Variants in TIAM2 observed in about 807,000 individuals in gnomAD.
TIAM2 encodes TIAM Rac1 associated GEF 2.
TIAM2 carries 80 observed loss-of-function variants against 152.9 expected under a neutral mutation model. That is an observed-to-expected ratio of 0.52 (90% CI 0.44 to 0.63). The LOEUF (loss-of-function observed/expected upper bound fraction) is 0.63. Ranked by LOEUF, TIAM2 falls within the 30% of genes least tolerant of loss-of-function variation. TIAM2 has a pLI of 0.00. For synonymous variants in TIAM2, 804 were observed against 838.0 expected (o/e 0.96, Z 0.70); for missense variants, 1,965 against 2,120.1 (o/e 0.93, Z 1.44).
chr6:155,129,524 A>C lies in TIAM2; in HGVS notation c.301A>C (p.Lys101Gln). 1 of 1,614,120 alleles carries C rather than the reference A, an allele frequency of 6.2e-7. No individual in the cohort carries two copies. The highest frequency in any genetic ancestry group is 2.2e-5 in the East Asian group (1 of 44,866). Reference protein sequence around the residue: ...YSTHRTNAPGKDFQGISAAFS... With the variant: ...YSTHRTNAPGQDFQGISAAFS... ...CACGCACAGGACAAATGCCCCAGGGAAGGATTTCCAGGGCATCAGTGCTGC... is the reference window on the plus strand; with the variant it reads ...CACGCACAGGACAAATGCCCCAGGGCAGGATTTCCAGGGCATCAGTGCTGC... The change falls in exon 4 of 27, where the codon AAG (lysine) becomes CAG (glutamine). Residue 101 changes from lysine (K) to glutamine (Q), a missense_variant. Physicochemically the swap from Lys to Gln is moderately conservative, Grantham distance 53. Transcript: ENST00000682666. This position sits in a 1 kb window ranked among gnomAD's most constrained non-coding sequence, Gnocchi z 4.8.
rs1012460904 is a variant in TIAM2 at position 155,164,005 on chromosome 6, G to C, written c.2029-410G>C. On this transcript the variant is annotated intron_variant, in intron 7 of 26. Coordinates refer to ENST00000682666, the MANE Select transcript of TIAM2 (RefSeq NM_012454.4). ...GACGGAGTCTTGCTTGGTTGCCCAG[G>C]CTGGAGTGCAGTGGCATGATCTTGG... Among the ~76,000 whole-genome samples the C allele has an allele frequency of 1.1e-4, 17 of 150,644 alleles. 1 individual carries two copies. The highest frequency in any genetic ancestry group is 4.1e-4 in the African/African-American group (17 of 41,032).
At chr6:155,126,247 T>C (rs886809765) in intron 2 of TIAM2, among the ~76,000 whole-genome samples, 2 of 152,218 alleles carry the variant, frequency 1.3e-5, no homozygotes, top group Non-Finnish European at 2.9e-5. Context: ...CTTTCACTTA[T>C]ATGCGGTATC....
intron 2 of TIAM2, among the ~76,000 whole-genome samples, chr6:155,108,989 T>C (rs1778764546): frequency 1.3e-5 from 2 of 152,114 alleles, no homozygotes; most frequent in Non-Finnish European, 2.9e-5. Context: ...TTTTCTTTTT[T>C]GTTTTTTGTT....
At chr6:155,194,980 G>A (rs980119313) in intron 14 of TIAM2, among the ~76,000 whole-genome samples, 2 of 152,186 alleles carry the variant, frequency 1.3e-5, no homozygotes, top group East Asian at 1.9e-4. Context: ...AGAAAGACAT[G>A]TTTGCGTCCC....
chr6:155,177,023 A>T, intron 10 of TIAM2, 46 bp downstream of exon 10: 1 of 1,569,602 alleles, frequency 6.4e-7, no homozygotes, highest in Non-Finnish European at 8.6e-7. Context: ...AGAAATAATC[A>T]TTAATGTTGC....
At chr6:155,084,413 A>C (rs182969006) in intron 1 of TIAM2, among the ~76,000 whole-genome samples, 1 of 152,376 alleles carries the variant, frequency 6.6e-6, no homozygotes, top group East Asian at 1.9e-4. Context: ...ATTAACTAAA[A>C]AATAGTGCTA....
intron 1 of TIAM2, among the ~76,000 whole-genome samples, chr6:155,000,321 T>TC (rs1274923050): frequency 6.6e-6 from 1 of 151,732 alleles, no homozygotes; most frequent in Non-Finnish European, 1.5e-5. Context: ...TCACCTGAGG[T>TC]CGGGAGTTCA....
chr6:155,170,046 T>G (rs544940997), intron 9 of TIAM2, among the ~76,000 whole-genome samples: 17 of 152,244 alleles, frequency 1.1e-4, no homozygotes, highest in African/African-American at 3.6e-4. Context: ...CTTGAACTCC[T>G]GACGTCGCGA....
In TIAM2 at chr6:155,257,190, CAAAAAAAA is replaced by C. The variant is rs11455127; in HGVS notation, c.*83_*90del. 2.4e-5 allele frequency: 13 copies of C among 543,890 alleles called. No individual in the cohort carries two copies. The highest frequency in any genetic ancestry group is 4.5e-5 in the South Asian group (2 of 44,058). The allele number at this position is 543,890 out of a possible 1,614,324, so 33.7% of individuals were successfully genotyped here. On this transcript the variant is annotated 3_prime_UTR_variant, in exon 27 of 27. Coordinates refer to ENST00000682666, the MANE Select transcript of TIAM2 (RefSeq NM_012454.4). ...TAAACTGGTGGTAAAGTGGAAATTG[CAAAAAAAA>C]AAAAAAAAAAAAACTGTTCATTCCT...
At chr6:155,137,710 A>C in intron 5 of TIAM2, 98 bp downstream of exon 5, 27 of 1,345,326 alleles carry the variant, frequency 2.0e-5, no homozygotes, top group Non-Finnish European at 2.3e-5. Flanking sequence ...ATTTGAGTTC[A>C]CATGAGGGGT....
intron 14 of TIAM2, among the ~76,000 whole-genome samples, chr6:155,206,029 T>C (rs1029083961): frequency 6.6e-6 from 1 of 152,132 alleles, no homozygotes; most frequent in East Asian, 1.9e-4. Context: ...GCCCTTTCGT[T>C]GTAAAGGATC....
At chr6:155,206,312 A>ATC (rs1781593442) in intron 14 of TIAM2, among the ~76,000 whole-genome samples, 1 of 152,038 alleles carries the variant, frequency 6.6e-6, no homozygotes. Flanking sequence ...CAGTGGTGTG[A>ATC]TCTCAGCTCA....
rs767618872 is a variant in TIAM2, at chr6:155,252,977, T to C, written c.4149T>C (p.Ser1383=). The C allele has an allele frequency of 2.5e-6, 4 of 1,614,030 alleles. No homozygotes were observed. In the African/African-American group the frequency reaches 4.0e-5, roughly 16 times the overall value. ...LPSNSRPAHN[S]TDLDPFKFRW... ...CGAATTCCCGGCCTGCACACAACTCTACTGACTTGGACCCATTTAAATTCC... is the reference window on the plus strand; with the variant it reads ...CGAATTCCCGGCCTGCACACAACTCCACTGACTTGGACCCATTTAAATTCC... Residue 1383 remains serine (S), a synonymous_variant, in exon 24 of 27, where the codon TCT becomes TCC. Coordinates refer to ENST00000682666, the MANE Select transcript of TIAM2 (RefSeq NM_012454.4).
intron 1 of TIAM2, among the ~76,000 whole-genome samples, chr6:155,086,477 CG>C (rs1562311310): frequency 6.6e-6 from 1 of 152,144 alleles, no homozygotes; most frequent in African/African-American, 2.4e-5. Flanking sequence ...AAGGCTGAGG[CG>C]GGTGGATCAC....
chr6:155,011,887 C>T (rs144079727), intron 1 of TIAM2, among the ~76,000 whole-genome samples: 47 of 152,196 alleles, frequency 3.1e-4, no homozygotes, highest in South Asian at 8.3e-4. Flanking sequence ...TTGGTGGGTG[C>T]CAGATGGTGC....
At chr6:154,999,073 G>A (rs971671163) in intron 1 of TIAM2, among the ~76,000 whole-genome samples, 28 of 152,052 alleles carry the variant, frequency 1.8e-4, no homozygotes, top group African/African-American at 6.8e-4. Context: ...ATGATGCAAA[G>A]TCCATTTGGA....
At chr6:155,153,874 G>A (rs973741371) in intron 7 of TIAM2, among the ~76,000 whole-genome samples, 1 of 152,124 alleles carries the variant, frequency 6.6e-6, no homozygotes. Context: ...TGCCTGCCTC[G>A]ACCTCCCAAA....
At chr6:155,251,262 C>T (rs1051229491) in intron 22 of TIAM2, among the ~76,000 whole-genome samples, 3 of 152,162 alleles carry the variant, frequency 2.0e-5, no homozygotes, top group Admixed American at 2.0e-4. Context: ...CAGATCCCTG[C>T]GGCTATTTTG....
rs532414631 is a variant in TIAM2 at position 155,065,246 on chromosome 6, A to C, written c.-208-25043A>C. Among the ~76,000 whole-genome samples the C allele has an allele frequency of 1.1e-4, 17 of 151,904 alleles. No individual in the cohort carries two copies. In the East Asian group the frequency reaches 1.4e-3, roughly 12 times the overall value. On this transcript the variant is annotated intron_variant, in intron 1 of 26. Coordinates refer to ENST00000682666, the MANE Select transcript of TIAM2 (RefSeq NM_012454.4). ...TGGGATTACAGGCGTGAGCCACCATACCCGGCCATATATACAGTGTGAAAC... is the reference window on the plus strand; with the variant it reads ...TGGGATTACAGGCGTGAGCCACCATCCCCGGCCATATATACAGTGTGAAAC...
Sources: allele counts gnomAD v4.1 joint callset (sites outside exome capture counted in the v4.1 genomes callset), GRCh38; gene constraint gnomAD v4.1.1; non-coding constraint Gnocchi (gnomAD v3.1); transcripts MANE v1.5; gene names NCBI Gene and HGNC (gene_info 2026-07-23, HGNC 2026-07-21).